MACROD2: variants seen among roughly 807,000 people sequenced by gnomAD.
MACROD2 encodes the protein mono-ADP ribosylhydrolase 2, also known as ADP-ribose glycohydrolase MACROD2.
MACROD2 carries 36 observed loss-of-function variants against 70.4 expected under a neutral mutation model. That is an observed-to-expected ratio of 0.51 (90% CI 0.39 to 0.68). The LOEUF (loss-of-function observed/expected upper bound fraction) is 0.68. Among genes scored for constraint, MACROD2 ranks in the 30% least tolerant of loss-of-function variants. The probability of loss-of-function intolerance (pLI) is 0.00; values close to 1 mark genes in which losing one functional copy is unlikely to be tolerated. For synonymous variants in MACROD2, 172 were observed against 178.8 expected, an observed-to-expected ratio of 0.96 and a Z score of 0.30; for missense variants, 496 against 538.4, an observed-to-expected ratio of 0.92 and a Z score of 0.78.
chr20:14,887,405 T>C (rs886108991), intron 5 of MACROD2, among the ~76,000 whole-genome samples: 2 of 75,402 alleles, frequency 2.7e-5, no homozygotes, highest in Non-Finnish European at 6.3e-5. Flanking sequence ...TTTTGTTTTT[T>C]TTTTTTTTTG....
intron 3 of MACROD2, among the ~76,000 whole-genome samples, chr20:14,415,535 G>T (rs2083794056): frequency 6.6e-6 from 1 of 152,094 alleles, no homozygotes; most frequent in Non-Finnish European, 1.5e-5. Context: ...TCCAATTATT[G>T]ACAGCACTTA....
chr20:15,649,655 C>T (rs2146792985), intron 8 of MACROD2, among the ~76,000 whole-genome samples: 1 of 152,308 alleles, frequency 6.6e-6, no homozygotes, highest in African/African-American at 2.4e-5. Flanking sequence ...CCTGCGATTT[C>T]TTAACCAATC....
At chr20:15,078,924 G>C (rs1278270247) in intron 5 of MACROD2, among the ~76,000 whole-genome samples, 1 of 151,960 alleles carries the variant, frequency 6.6e-6, no homozygotes, top group South Asian at 2.1e-4. Context: ...GGGATTATAG[G>C]CATGAGCCAC....
rs2067126964 is a variant in MACROD2 at position 16,029,674 on chromosome 20, C to T, written c.1154-11527C>T. Among the ~76,000 whole-genome samples, 3 of 152,170 alleles carry T rather than the reference C, an allele frequency of 2.0e-5. No homozygotes were observed. The South Asian group carries it at 6.2e-4, about 32-fold the overall frequency. On this transcript the variant is annotated intron_variant, in intron 15 of 17. Transcript: ENST00000684519. ...ATAAGATCACACCAGCTACCATTTACCTCCCTAACTAGGAGAGAAAAGGCC... is the reference window on the plus strand; with the variant it reads ...ATAAGATCACACCAGCTACCATTTATCTCCCTAACTAGGAGAGAAAAGGCC...
chr20:15,184,977 A>G (rs937435154), intron 5 of MACROD2, among the ~76,000 whole-genome samples: 9 of 152,222 alleles, frequency 5.9e-5, no homozygotes, highest in African/African-American at 2.2e-4. Flanking sequence ...CTCTATGATA[A>G]TATGATGGGA....
At chr20:14,781,527 A>G (rs1399404323) in intron 5 of MACROD2, among the ~76,000 whole-genome samples, 3 of 149,780 alleles carry the variant, frequency 2.0e-5, no homozygotes, top group Non-Finnish European at 4.4e-5. Flanking sequence ...AAATCTGTGT[A>G]TGGAGTGATT....
At chr20:14,925,095 C>T (rs992599089) in intron 5 of MACROD2, among the ~76,000 whole-genome samples, 1 of 151,756 alleles carries the variant, frequency 6.6e-6, no homozygotes, top group African/African-American at 2.4e-5. Flanking sequence ...TGGCCATTTT[C>T]AGAGAGAATC....
At chr20:15,991,656 C>T (rs775093) in intron 15 of MACROD2, among the ~76,000 whole-genome samples, 149,187 of 152,334 alleles carry the variant, frequency 0.98, 73,133 homozygotes, top group East Asian at 1. Flanking sequence ...AACATTCTAC[C>T]TTCAGAAAGT....
At chr20:14,004,207 A>G (rs1320841603) in intron 2 of MACROD2, among the ~76,000 whole-genome samples, 3 of 152,206 alleles carry the variant, frequency 2.0e-5, no homozygotes, top group Non-Finnish European at 4.4e-5. Flanking sequence ...TTGCATTAGG[A>G]CTACTCAACC....
intron 3 of MACROD2, among the ~76,000 whole-genome samples, chr20:14,336,432 A>T (rs2082938283): frequency 6.6e-6 from 1 of 152,136 alleles, no homozygotes; most frequent in Admixed American, 6.6e-5. Flanking sequence ...CCTATATGCA[A>T]CCATTTTGTT....
At chr20:14,829,137 T>TC (rs1269829776) in intron 5 of MACROD2, among the ~76,000 whole-genome samples, 2 of 148,140 alleles carry the variant, frequency 1.4e-5, no homozygotes, top group East Asian at 3.9e-4. Flanking sequence ...TATTTTTTTT[T>TC]TTTTTTTTTT....
intron 5 of MACROD2, among the ~76,000 whole-genome samples, chr20:14,819,502 C>T (rs762833760): frequency 6.6e-6 from 1 of 151,996 alleles, no homozygotes; most frequent in Non-Finnish European, 1.5e-5. Flanking sequence ...TGAGTACCAC[C>T]TTCTAAGACA....
At chr20:14,277,618 G>T (rs1440042664) in intron 3 of MACROD2, among the ~76,000 whole-genome samples, 2 of 152,060 alleles carry the variant, frequency 1.3e-5, no homozygotes, top group African/African-American at 4.8e-5. Context: ...GAAAAGGGTG[G>T]TGGAGACCAT....
At chr20:14,291,347 A>G (rs74988130) in intron 3 of MACROD2, among the ~76,000 whole-genome samples, 2,085 of 151,944 alleles carry the variant, frequency 0.014, 21 homozygotes, top group African/African-American at 0.023. Context: ...CCTTTTAGAA[A>G]CATTTTGAGC....
At chr20:15,459,999 G>A (rs1167108831) in intron 7 of MACROD2, among the ~76,000 whole-genome samples, 1 of 152,076 alleles carries the variant, frequency 6.6e-6, no homozygotes, top group Non-Finnish European at 1.5e-5. Context: ...TGGTCAACAG[G>A]TTGATTCTAC....
At chr20:15,788,969 T>G (rs764422065) in intron 8 of MACROD2, among the ~76,000 whole-genome samples, 1 of 152,212 alleles carries the variant, frequency 6.6e-6, no homozygotes, top group Non-Finnish European at 1.5e-5. Flanking sequence ...CATTCTTCAC[T>G]TAGAAAAGCA....
At chr20:15,961,210 A>G (rs1376097363) in intron 12 of MACROD2, among the ~76,000 whole-genome samples, 2 of 152,160 alleles carry the variant, frequency 1.3e-5, no homozygotes, top group Non-Finnish European at 2.9e-5. Flanking sequence ...ATGGGGGCCC[A>G]TGATTTCGCC....
At chr20:15,677,290 A>G (rs931540750) in intron 8 of MACROD2, among the ~76,000 whole-genome samples, 5 of 152,114 alleles carry the variant, frequency 3.3e-5, no homozygotes, top group African/African-American at 1.2e-4. Context: ...GGATGAAAGC[A>G]TCTAGGAAAT....
chr20:15,205,508 G>C (rs1358258563), intron 5 of MACROD2, among the ~76,000 whole-genome samples: 5 of 152,062 alleles, frequency 3.3e-5, no homozygotes, highest in African/African-American at 2.4e-5. Flanking sequence ...AAACCGGTGA[G>C]GCTTATCACC....
Sources: allele counts gnomAD v4.1 joint callset (sites outside exome capture counted in the v4.1 genomes callset), GRCh38; gene constraint gnomAD v4.1.1; transcripts MANE v1.5; gene names NCBI Gene and HGNC (gene_info 2026-07-23, HGNC 2026-07-21).